Variants in TPBG observed in about 807,000 individuals in gnomAD.
TPBG encodes the protein 5T4 oncofetal antigen.
In TPBG, 13 loss-of-function variants were observed where a neutral mutation model predicts 19.3. That is an observed-to-expected ratio of 0.67 (90% confidence interval 0.44 to 1.07). The LOEUF is 1.07. Ranked by LOEUF, TPBG falls within the 50% of genes least tolerant of loss-of-function variation. TPBG has a pLI of 0.00. For synonymous variants in TPBG, 338 were observed against 259.8 expected (o/e 1.30, Z -2.89); for missense variants, 642 against 559.6 (o/e 1.15, Z -1.49).
In TPBG at chr6:82,365,738, T is replaced by C. The variant is rs1380526584; in HGVS notation, c.777T>C (p.His259=). The C allele has an allele frequency of 3.7e-6, 6 of 1,613,698 alleles. No homozygotes were observed. The highest frequency in any genetic ancestry group is 5.1e-6 in the Non-Finnish European group (6 of 1,179,810). The part of the protein sequence containing the change: ...LTYVSFRNLT[H]LESLHLEDNA... ...ACGTGTCCTTCCGCAACCTGACACA[T>C]CTAGAAAGCCTCCACCTGGAGGACA... is the stretch of plus-strand genomic sequence containing the variant. The change falls in exon 2 of 2, where the codon CAT becomes CAC. Residue 259 remains histidine (H), a synonymous_variant. Transcript: ENST00000369750.
In TPBG at chr6:82,365,213, G is replaced by A; in HGVS notation, c.252G>A (p.Glu84=). Residue 84 remains glutamate (E), a synonymous_variant, in exon 2 of 2, where the codon GAG becomes GAA. Transcript: ENST00000369750. ...TVKCVNRNLT[E]VPTDLPAYVR... ...AGTGCGTTAACCGCAATCTGACCGA[G>A]GTGCCCACGGACCTGCCCGCCTACG... 6.3e-7 allele frequency: 1 copy of A among 1,595,016 alleles called. No individual in the cohort carries two copies.
chr6:82,365,816 C>G lies in TPBG; in HGVS notation c.855C>G (p.Pro285=). 6.2e-7 allele frequency: 1 copy of G among 1,614,162 alleles called. No homozygotes were observed. The highest frequency in any genetic ancestry group is 8.5e-7 in the Non-Finnish European group (1 of 1,180,034). ...NGTLAELQGL[P]HIRVFLDNNP... The stretch of plus-strand genomic sequence containing the variant: ...CCCTGGCTGAGTTGCAAGGTCTACC[C>G]CACATTAGGGTTTTCCTGGACAACA... Residue 285 remains proline (P), a synonymous_variant, in exon 2 of 2, where the codon CCC becomes CCG. Transcript: ENST00000369750.
rs200075724 is a variant in TPBG at position 82,365,697 on chromosome 6, C to A, written c.736C>A (p.Leu246Met). The change falls in exon 2 of 2, where the codon CTG (leucine) becomes ATG (methionine). Residue 246 changes from leucine to methionine, a missense_variant. Physicochemically the swap from Leu to Met is conservative, Grantham distance 15. Coordinates refer to ENST00000369750, the MANE Select transcript of TPBG (RefSeq NM_001376922.1). The part of the protein sequence containing the change: ...LRHLDLSNNS[L>M]VSLTYVSFRN... ...GCACCTGGACTTAAGTAATAATTCGCTGGTGAGCCTGACCTACGTGTCCTT... is the reference window on the plus strand; with the variant it reads ...GCACCTGGACTTAAGTAATAATTCGATGGTGAGCCTGACCTACGTGTCCTT... The A allele has an allele frequency of 1.6e-5, 26 of 1,606,054 alleles. No homozygotes were observed. The highest frequency in any genetic ancestry group is 2.7e-5 in the African/African-American group (2 of 74,750).
chr6:82,365,764 A>G lies in TPBG; in HGVS notation c.803A>G (p.Asn268Ser), dbSNP rs776844600. 8.7e-6 allele frequency: 14 copies of G among 1,614,016 alleles called. No homozygotes were observed. The highest frequency in any genetic ancestry group is 4.5e-5 in the East Asian group (2 of 44,888). Residue 268 changes from asparagine (N) to serine (S), a missense_variant, in exon 2 of 2, where the codon AAT becomes AGT. By Grantham distance (46) the Asn-to-Ser change is conservative. Transcript: ENST00000369750. ...CTAGAAAGCCTCCACCTGGAGGACA[A>G]TGCCCTCAAGGTCCTTCACAATGGC... ...THLESLHLED[N>S]ALKVLHNGTL...
rs764203137 is a variant in TPBG at position 82,364,911 on chromosome 6, C to A, written c.-51C>A. 14 of 1,357,912 alleles carry A rather than the reference C, an allele frequency of 1.0e-5. No individual in the cohort carries two copies. The highest frequency in any genetic ancestry group is 1.8e-5 in the South Asian group (1 of 54,918). 84.1% of individuals were successfully genotyped at this position (1,357,912 alleles called of 1,614,324 possible). The stretch of plus-strand genomic sequence containing the variant: ...CGCCCTCCGGGCCCAGCCTCCCGAG[C>A]CTTCGGAGCGGGCGCCGTCCCAGCC... On this transcript the variant is annotated 5_prime_UTR_variant, in exon 2 of 2. Transcript: ENST00000369750.
At position 82,365,270 on chromosome 6, in the gene TPBG, G is replaced by C; in HGVS notation, c.309G>C (p.Leu103=). Residue 103 remains leucine, a synonymous_variant, in exon 2 of 2, where the codon CTG becomes CTC. Coordinates refer to ENST00000369750, the MANE Select transcript of TPBG (RefSeq NM_001376922.1). ...VRNLFLTGNQ[L]AVLPAGAFAR... ...ACCTCTTCCTTACCGGCAACCAGCT[G>C]GCCGTGCTCCCTGCCGGCGCCTTCG... 6.3e-7 allele frequency: 1 copy of C among 1,575,084 alleles called. No individual in the cohort carries two copies. The highest frequency in any genetic ancestry group is 8.6e-7 in the Non-Finnish European group (1 of 1,169,502).
chr6:82,366,186 C>T lies in TPBG; in HGVS notation c.1225C>T (p.Pro409Ser), dbSNP rs753135126. The T allele has an allele frequency of 6.2e-7, 1 of 1,604,704 alleles. No homozygotes were observed. The highest frequency in any genetic ancestry group is 2.2e-5 in the East Asian group (1 of 44,798). The stretch of plus-strand genomic sequence containing the variant: ...TTACAGATATGAAATCAATGCGGAC[C>T]CCAGATTAACGAACCTCAGTTCTAA... ...YHYRYEINAD[P>S]RLTNLSSNSD... Residue 409 changes from proline to serine, a missense_variant, in exon 2 of 2, where the codon CCC (proline) becomes TCC (serine). Transcript: ENST00000369750.
rs1767388340 is a variant in TPBG at position 82,363,824 on chromosome 6, G to C, written c.-424G>C. On this transcript the variant is annotated 5_prime_UTR_variant, in exon 1 of 2. Coordinates refer to ENST00000369750, the MANE Select transcript of TPBG (RefSeq NM_001376922.1). ...TGGGCCAGGGGCTGGGGTGCGAAGAGAGTCGGCGCCCGCAACGCGGAGCCG... is the reference window on the plus strand; with the variant it reads ...TGGGCCAGGGGCTGGGGTGCGAAGACAGTCGGCGCCCGCAACGCGGAGCCG... 6.6e-6 allele frequency: 1 copy of C among 152,450 alleles called. No individual in the cohort carries two copies. Among genetic ancestry groups the C allele is most frequent in the African/African-American group, 2.4e-5 (1 of 41,408 alleles). 9.4% of individuals were successfully genotyped at this position (152,450 alleles called of 1,614,324 possible). A position where few individuals can be genotyped will look rare whatever the true frequency, so the allele number is the denominator to read the frequency against.
Position 82,365,106 on chromosome 6 carries a change from G to A in TPBG, c.145G>A (p.Ala49Thr). 6.3e-7 allele frequency: 1 copy of A among 1,586,286 alleles called. No homozygotes were observed. The highest frequency in any genetic ancestry group is 8.6e-7 in the Non-Finnish European group (1 of 1,166,546). ...CTTCTCCTCCTCGGCGCCGTTCCTG[G>A]CTTCCGCCGTGTCCGCCCAGCCCCC... ...SSFSSSAPFL[A>T]SAVSAQPPLP... Residue 49 changes from alanine to threonine, a missense_variant, in exon 2 of 2, where the codon GCT (alanine) becomes ACT (threonine). Transcript: ENST00000369750.
Position 82,366,215 on chromosome 6 carries a change from G to A in TPBG, c.1254G>A (p.Ser418=), listed in dbSNP as rs370385349. 3.8e-6 allele frequency: 6 copies of A among 1,580,740 alleles called. No homozygotes were observed. Among genetic ancestry groups the A allele is most frequent in the South Asian group, 2.4e-5 (2 of 84,680 alleles). Residue 418 remains serine, a synonymous_variant, in exon 2 of 2, where the codon TCG becomes TCA. Coordinates refer to ENST00000369750, the MANE Select transcript of TPBG (RefSeq NM_001376922.1). ...DPRLTNLSSN[S]DV The stretch of plus-strand genomic sequence containing the variant: ...GATTAACGAACCTCAGTTCTAACTC[G>A]GATGTCTGAGAAATATTAGAGGACA...
rs932910139 is a variant in TPBG, at chr6:82,367,079, T to C, written c.*855T>C. The C allele has an allele frequency of 1.8e-5, 3 of 167,010 alleles. No homozygotes were observed. Among genetic ancestry groups the C allele is most frequent in the African/African-American group, 7.2e-5 (3 of 41,440 alleles). 10.3% of individuals were successfully genotyped at this position (167,010 alleles called of 1,614,324 possible). On this transcript the variant is annotated 3_prime_UTR_variant, in exon 2 of 2. Transcript: ENST00000369750. ...ATAGACTTGGGAGATCGTTTTGAAA[T>C]GGTGGATCCTTTTAGTATTTAAATG...
At position 82,365,340 on chromosome 6, in the gene TPBG, G is replaced by C. The variant is rs778951066; in HGVS notation, c.379G>C (p.Gly127Arg). 4.4e-6 allele frequency: 7 copies of C among 1,578,066 alleles called. No homozygotes were observed. In the Admixed American group the frequency reaches 1.1e-4, roughly 25 times the overall value. The change falls in exon 2 of 2, where the codon GGC becomes CGC. Residue 127 changes from glycine to arginine, a missense_variant. Physicochemically the swap from Gly to Arg is moderately radical, Grantham distance 125. Transcript: ENST00000369750. The part of the protein sequence containing the change: ...LAELAALNLS[G>R]SRLDEVRAGA... Reference sequence around the variant, plus strand: ...GGAGCTGGCCGCGCTCAACCTCAGCGGCAGCCGCCTGGACGAGGTGCGCGC... The same window carrying C: ...GGAGCTGGCCGCGCTCAACCTCAGCCGCAGCCGCCTGGACGAGGTGCGCGC...
chr6:82,364,965 C>A lies in TPBG; in HGVS notation c.4C>A (p.Pro2Thr). The A allele has an allele frequency of 6.7e-7, 1 of 1,503,442 alleles. No homozygotes were observed. Among genetic ancestry groups the A allele is most frequent in the South Asian group, 1.3e-5 (1 of 74,734 alleles). 93.1% of individuals were successfully genotyped at this position (1,503,442 alleles called of 1,614,324 possible). M[P>T]GGCSRGPAAG... is the part of the protein sequence containing the mutation. ...CTCCGGGGAAACGCGAGCCGCGATGCCTGGGGGGTGCTCCCGGGGCCCCGC... is the reference window on the plus strand; with the variant it reads ...CTCCGGGGAAACGCGAGCCGCGATGACTGGGGGGTGCTCCCGGGGCCCCGC... The change falls in exon 2 of 2, where the codon CCT becomes ACT. Residue 2 changes from proline to threonine, a missense_variant. Coordinates refer to ENST00000369750, the MANE Select transcript of TPBG (RefSeq NM_001376922.1).
chr6:82,365,140 A>C lies in TPBG; in HGVS notation c.179A>C (p.Asp60Ala), dbSNP rs1487648008. Residue 60 changes from aspartate (D) to alanine (A), a missense_variant, in exon 2 of 2, where the codon GAC becomes GCC. By Grantham distance (126) the Asp-to-Ala change is moderately radical. Transcript: ENST00000369750. ...GTGTCCGCCCAGCCCCCGCTGCCGG[A>C]CCAGTGCCCCGCGCTGTGCGAGTGC... Reference protein sequence around the residue: ...SAVSAQPPLPDQCPALCECSE... With the variant: ...SAVSAQPPLPAQCPALCECSE... The C allele has an allele frequency of 1.2e-6, 2 of 1,604,752 alleles. No homozygotes were observed.
Position 82,365,901 on chromosome 6 carries a change from G to A in TPBG, c.940G>A (p.Val314Ile), listed in dbSNP as rs1767486265. 2 of 1,614,212 alleles carry A rather than the reference G, an allele frequency of 1.2e-6. No homozygotes were observed. Among genetic ancestry groups the A allele is most frequent in the Non-Finnish European group, 8.5e-7 (1 of 1,180,044 alleles). Residue 314 changes from valine to isoleucine, a missense_variant, in exon 2 of 2, where the codon GTA becomes ATA. By Grantham distance (29) the Val-to-Ile change is conservative. Coordinates refer to ENST00000369750, the MANE Select transcript of TPBG (RefSeq NM_001376922.1). Reference protein sequence around the residue: ...DMVTWLKETEVVQGKDRLTCA... With the variant: ...DMVTWLKETEIVQGKDRLTCA... ...GGTGACCTGGCTCAAGGAAACAGAGGTAGTGCAGGGCAAAGACCGGCTCAC... is the reference window on the plus strand; with the variant it reads ...GGTGACCTGGCTCAAGGAAACAGAGATAGTGCAGGGCAAAGACCGGCTCAC...
rs369644547 is a variant in TPBG, at chr6:82,365,903, A to G, written c.942A>G (p.Val314=). 5.0e-6 allele frequency: 8 copies of G among 1,614,120 alleles called. No individual in the cohort carries two copies. The highest frequency in any genetic ancestry group is 1.7e-5 in the Admixed American group (1 of 60,006). ...DMVTWLKETE[V]VQGKDRLTCA... Reference sequence around the variant, plus strand: ...TGACCTGGCTCAAGGAAACAGAGGTAGTGCAGGGCAAAGACCGGCTCACCT... The same window carrying G: ...TGACCTGGCTCAAGGAAACAGAGGTGGTGCAGGGCAAAGACCGGCTCACCT... The change falls in exon 2 of 2, where the codon GTA becomes GTG. Residue 314 remains valine, a synonymous_variant. Coordinates refer to ENST00000369750, the MANE Select transcript of TPBG (RefSeq NM_001376922.1).
Position 82,365,180 on chromosome 6 carries a change from C to T in TPBG, c.219C>T (p.Arg73=), listed in dbSNP as rs1261603529. ...TGTGCGAGTGCTCCGAGGCAGCGCG[C>T]ACAGTCAAGTGCGTTAACCGCAATC... ...PALCECSEAA[R]TVKCVNRNLT... is the part of the protein sequence containing the mutation. The change falls in exon 2 of 2, where the codon CGC becomes CGT. Residue 73 remains arginine (R), a synonymous_variant. Coordinates refer to ENST00000369750, the MANE Select transcript of TPBG (RefSeq NM_001376922.1). 1.9e-6 allele frequency: 3 copies of T among 1,601,956 alleles called. No individual in the cohort carries two copies. Among genetic ancestry groups the T allele is most frequent in the Non-Finnish European group, 2.6e-6 (3 of 1,175,630 alleles).
chr6:82,365,483 C>T lies in TPBG; in HGVS notation c.522C>T (p.Pro174=), dbSNP rs762127876. 6.2e-7 allele frequency: 1 copy of T among 1,605,632 alleles called. No homozygotes were observed. The part of the protein sequence containing the change: ...GSNASVSAPS[P]LVELILNHIV... ...ATGCCAGCGTCTCGGCCCCCAGTCCCCTTGTGGAACTGATCCTGAACCACA... is the reference window on the plus strand; with the variant it reads ...ATGCCAGCGTCTCGGCCCCCAGTCCTCTTGTGGAACTGATCCTGAACCACA... The change falls in exon 2 of 2, where the codon CCC becomes CCT. Residue 174 remains proline (P), a synonymous_variant. Transcript: ENST00000369750.
Position 82,365,112 on chromosome 6 carries a change from G to C in TPBG, c.151G>C (p.Ala51Pro). ...FSSSAPFLAS[A>P]VSAQPPLPDQ... The stretch of plus-strand genomic sequence containing the variant: ...CTCCTCGGCGCCGTTCCTGGCTTCC[G>C]CCGTGTCCGCCCAGCCCCCGCTGCC... The change falls in exon 2 of 2, where the codon GCC becomes CCC. Residue 51 changes from alanine (A) to proline (P), a missense_variant. By Grantham distance (27) the Ala-to-Pro change is conservative. Coordinates refer to ENST00000369750, the MANE Select transcript of TPBG (RefSeq NM_001376922.1). 1 of 1,589,832 alleles carries C rather than the reference G, an allele frequency of 6.3e-7. No homozygotes were observed.
Sources: gnomAD v4.1 joint callset for allele counts on GRCh38, gnomAD v4.1.1 for gene constraint, MANE v1.5 for transcripts, NCBI Gene and HGNC (gene_info 2026-07-23, HGNC 2026-07-21) for gene names.